ECPAS: variants seen among roughly 807,000 people sequenced by gnomAD.
ECPAS encodes the protein Ecm29 proteasome adaptor and scaffold, also known as proteasome adapter and scaffold protein ECM29.
Under a neutral mutation model 255.1 loss-of-function variants are expected in ECPAS, and 70 were observed. The ratio of observed to expected loss-of-function variants is 0.27; its 90% confidence interval spans 0.23 to 0.33. The LOEUF is 0.33. Among genes scored for constraint, ECPAS ranks in the 10% least tolerant of loss-of-function variants. The probability of loss-of-function intolerance (pLI) is 1.00; values close to 1 mark genes in which losing one functional copy is unlikely to be tolerated. For missense variants in ECPAS, 1,817 were observed against 2,206.4 expected, an observed-to-expected ratio of 0.82 and a Z score of 3.54; for synonymous variants, 784 against 775.0, an observed-to-expected ratio of 1.01 and a Z score of -0.19.
At chr9:111,398,680 T>TA in intron 24 of ECPAS, among the ~76,000 whole-genome samples, 1 of 152,282 alleles carries the variant, frequency 6.6e-6, no homozygotes, top group African/African-American at 2.4e-5. Flanking sequence ...CTCACACCTG[T>TA]AATCCCAACA....
chr9:111,394,770 C>T (rs1385662622), intron 25 of ECPAS, among the ~76,000 whole-genome samples: 2 of 152,174 alleles, frequency 1.3e-5, no homozygotes, highest in Non-Finnish European at 2.9e-5. Flanking sequence ...TGTCTAGCAG[C>T]ATCCTGTGCC....
chr9:111,447,712 A>G (rs1189633317), intron 3 of ECPAS, among the ~76,000 whole-genome samples: 1 of 152,018 alleles, frequency 6.6e-6, no homozygotes, highest in Non-Finnish European at 1.5e-5. Context: ...GACATGCACA[A>G]ATAAAAATGC....
intron 32 of ECPAS, among the ~76,000 whole-genome samples, chr9:111,386,003 A>C (rs1416910241): frequency 6.6e-6 from 1 of 152,202 alleles, no homozygotes; most frequent in East Asian, 1.9e-4. Flanking sequence ...TCTGTCGCCC[A>C]GGCTGGAGTT....
chr9:111,415,648 G>C (rs928094865), intron 18 of ECPAS, among the ~76,000 whole-genome samples: 1 of 150,792 alleles, frequency 6.6e-6, no homozygotes, highest in African/African-American at 2.4e-5. Context: ...GCAATGAACC[G>C]AGATCACGCC....
At chr9:111,469,203 A>G (rs1038318635) in intron 2 of ECPAS, among the ~76,000 whole-genome samples, 4 of 152,022 alleles carry the variant, frequency 2.6e-5, no homozygotes, top group Non-Finnish European at 5.9e-5. Context: ...GTGCCACTGC[A>G]TTCCAGCCTG....
At chr9:111,428,599 GT>G (rs1189466396) in intron 9 of ECPAS, among the ~76,000 whole-genome samples, 1 of 152,100 alleles carries the variant, frequency 6.6e-6, no homozygotes, top group Non-Finnish European at 1.5e-5. Context: ...GTTGAAATAA[GT>G]AACAAAAACC....
At chr9:111,457,761 T>C (rs2098268663) in intron 2 of ECPAS, among the ~76,000 whole-genome samples, 1 of 152,150 alleles carries the variant, frequency 6.6e-6, no homozygotes, top group Admixed American at 6.5e-5. Context: ...TTGAGGTTAG[T>C]GAATATAAAT....
At chr9:111,465,820 G>A (rs985947465) in intron 2 of ECPAS, among the ~76,000 whole-genome samples, 11 of 151,534 alleles carry the variant, frequency 7.3e-5, no homozygotes, top group African/African-American at 2.7e-4. Context: ...AATCACTGGA[G>A]CCCAGGAGTT....
At chr9:111,395,100 C>T (rs1479742111) in intron 25 of ECPAS, among the ~76,000 whole-genome samples, 1 of 152,166 alleles carries the variant, frequency 6.6e-6, no homozygotes, top group African/African-American at 2.4e-5. Flanking sequence ...AATTCCCCTC[C>T]GCCCCTTGTC....
At chr9:111,471,733 C>A (rs932974734) in intron 2 of ECPAS, among the ~76,000 whole-genome samples, 4 of 152,172 alleles carry the variant, frequency 2.6e-5, no homozygotes, top group African/African-American at 7.2e-5. Context: ...TTCTCAAAAT[C>A]ACAATGCATG....
At chr9:111,383,089 T>C (rs2098142692) in intron 35 of ECPAS, 122 bp downstream of exon 35, 1 of 1,182,280 alleles carries the variant, frequency 8.5e-7, no homozygotes, top group African/African-American at 1.5e-5. Context: ...TTTTCACAAA[T>C]GACCCAAGGG....
intron 2 of ECPAS, among the ~76,000 whole-genome samples, chr9:111,457,272 T>A (rs1430528930): frequency 6.6e-6 from 1 of 152,168 alleles, no homozygotes; most frequent in Non-Finnish European, 1.5e-5. Flanking sequence ...TAGAAACTTT[T>A]AGTTATGAAA....
intron 24 of ECPAS, among the ~76,000 whole-genome samples, chr9:111,403,893 CA>C (rs2098179997): frequency 6.7e-6 from 1 of 149,504 alleles, no homozygotes; most frequent in African/African-American, 2.5e-5. Context: ...AAAAAAAATC[CA>C]AATCATATCA....
At chr9:111,440,747 G>A (rs368731204) in intron 5 of ECPAS, among the ~76,000 whole-genome samples, 9 of 152,072 alleles carry the variant, frequency 5.9e-5, no homozygotes, top group African/African-American at 2.2e-4. Context: ...AGCCAATCTG[G>A]CTCATGACTA....
chr9:111,365,288 T>TATCATC (rs143492409), intron 48 of ECPAS, among the ~76,000 whole-genome samples: 22,599 of 147,442 alleles, frequency 0.15, 1,862 homozygotes, highest in African/African-American at 0.18. Context: ...TAATAACCAT[T>TATCATC]ATCATCATCA....
rs1310267465 is a variant in ECPAS at position 111,483,404 on chromosome 9, C to T, written c.-83+712G>A. ...CCCGTACGCCGCGGCCGCCGCCCGC[C>T]CACCGGGCCTGGCGCCCCAGCCCTC... is the stretch of plus-strand genomic sequence containing the variant. On this transcript the variant is annotated intron_variant, in intron 1 of 49. Coordinates refer to ENST00000684092, the MANE Select transcript of ECPAS (RefSeq NM_001364929.1). The T allele has an allele frequency of 6.4e-6, 3 of 468,780 alleles. No individual in the cohort carries two copies. The East Asian group carries it at 4.6e-4, about 72-fold the overall frequency. The allele number at this position is 468,780 out of a possible 1,614,324, so 29.0% of individuals were successfully genotyped here.
At chr9:111,438,853 A>T (rs938170046) in intron 6 of ECPAS, among the ~76,000 whole-genome samples, 5 of 152,258 alleles carry the variant, frequency 3.3e-5, no homozygotes, top group Non-Finnish European at 7.3e-5. Context: ...TTTGTTCATC[A>T]CACCGCATGA....
chr9:111,368,819 CTG>C (rs1376567017), intron 46 of ECPAS, among the ~76,000 whole-genome samples: 1 of 152,226 alleles, frequency 6.6e-6, no homozygotes, highest in Non-Finnish European at 1.5e-5. Flanking sequence ...GCCACCCAGT[CTG>C]TGATACTTTC....
Position 111,408,649 on chromosome 9 carries a change from T to G in ECPAS, c.2574A>C (p.Thr858=). 4.4e-6 allele frequency: 7 copies of G among 1,582,502 alleles called. No individual in the cohort carries two copies. Among genetic ancestry groups the G allele is most frequent in the Non-Finnish European group, 6.0e-6 (7 of 1,165,622 alleles). The change falls in exon 24 of 50, where the codon ACA becomes ACC. Residue 858 remains threonine, a synonymous_variant. Transcript: ENST00000684092. ...TNKMKERAIQ[T]LGYFPVGDGD... Reference sequence around the variant, plus strand: ...CATCCCCAACTGGAAAATATCCCAGTGTTTGGATTGCTCGTTCTTTCATCT... The same window carrying G: ...CATCCCCAACTGGAAAATATCCCAGGGTTTGGATTGCTCGTTCTTTCATCT...
Sources: allele counts gnomAD v4.1 joint callset (sites outside exome capture counted in the v4.1 genomes callset), GRCh38; gene constraint gnomAD v4.1.1; transcripts MANE v1.5; gene names NCBI Gene and HGNC (gene_info 2026-07-23, HGNC 2026-07-21).